Variants in NPSR1 observed in about 807,000 individuals in gnomAD.
NPSR1 encodes neuropeptide S receptor 1.
NPSR1 carries 48 observed loss-of-function variants against 46.9 expected under a neutral mutation model. That is an observed-to-expected ratio of 1.02 (90% confidence interval 0.81 to 1.30). NPSR1 has a LOEUF of 1.30. Ranked by LOEUF, NPSR1 falls within the 50% of genes most tolerant of loss-of-function variation. The probability of loss-of-function intolerance (pLI) is 0.00; values close to 1 mark genes in which losing one functional copy is unlikely to be tolerated. For missense variants in NPSR1, 450 were observed against 449.5 expected, an observed-to-expected ratio of 1.00 and a Z score of -0.01; for synonymous variants, 176 against 168.1, an observed-to-expected ratio of 1.05 and a Z score of -0.36.
chr7:34,664,163 T>C (rs1246263160), intron 1 of NPSR1, among the ~76,000 whole-genome samples: 4 of 152,238 alleles, frequency 2.6e-5, no homozygotes, highest in Admixed American at 6.5e-5. Flanking sequence ...GCTTTCTCCA[T>C]CATTTCAATG....
intron 1 of NPSR1, 64 bp from the exon 2 acceptor site, chr7:34,684,488 G>A (rs1792822137): frequency 2.6e-6 from 4 of 1,535,962 alleles, no homozygotes; most frequent in Non-Finnish European, 3.5e-6. Context: ...CCTGGGGCAG[G>A]CATTCTGTAA....
chr7:34,797,687 C>A (rs191176644), intron 3 of NPSR1, among the ~76,000 whole-genome samples: 3 of 152,010 alleles, frequency 2.0e-5, no homozygotes, highest in Non-Finnish European at 4.4e-5. Flanking sequence ...TCAGAGAACA[C>A]CAAAGCAAAA....
intron 3 of NPSR1, among the ~76,000 whole-genome samples, chr7:34,791,129 GTTATATA>G (rs1346954719): frequency 1.8e-5 from 2 of 109,196 alleles, no homozygotes; most frequent in Non-Finnish European, 3.5e-5. Context: ...TAATATATAT[GTTATATA>G]TTATATATAA....
chr7:34,733,295 C>T (rs1784514393), intron 2 of NPSR1, among the ~76,000 whole-genome samples: 1 of 151,996 alleles, frequency 6.6e-6, no homozygotes, highest in Non-Finnish European at 1.5e-5. Context: ...TGGCGGTTGC[C>T]TGTAATCCCA....
At position 34,778,459 on chromosome 7, in the gene NPSR1, T is replaced by C. The variant is rs763242602; in HGVS notation, c.281-3T>C. The C allele has an allele frequency of 8.9e-6, 14 of 1,565,384 alleles. No homozygotes were observed. The East Asian group carries it at 2.7e-4, about 30-fold the overall frequency. ...AATGTAAGCACTTGTACGTTTTTGT[T>C]AGATTCTTTCACAGGACTGGTCAAC... On this transcript the variant is annotated splice_region_variant and splice_polypyrimidine_tract_variant and intron_variant, in intron 2 of 8. Coordinates refer to ENST00000360581, the MANE Select transcript of NPSR1 (RefSeq NM_207172.2).
rs370454090 is a variant in NPSR1 at position 34,741,696 on chromosome 7, A to C, written c.281-36766A>C. 2.0e-5 allele frequency among the ~76,000 whole-genome samples: 3 copies of C among 152,256 alleles called. No homozygotes were observed. The South Asian group carries it at 6.2e-4, about 31-fold the overall frequency. ...CTGATCCTTCAGGGAGCTGCCAGAC[A>C]GTCAAAACACACAACCAAAACTCTT... On this transcript the variant is annotated intron_variant, in intron 2 of 8. Coordinates refer to ENST00000360581, the MANE Select transcript of NPSR1 (RefSeq NM_207172.2).
At chr7:34,778,369 C>A in intron 2 of NPSR1, 93 bp from the exon 3 acceptor site, 2 of 690,190 alleles carry the variant, frequency 2.9e-6, no homozygotes, top group East Asian at 3.0e-5. Flanking sequence ...ATGAACCTCC[C>A]CAGGATTTCA....
chr7:34,831,069 A>T (rs1790096654), intron 5 of NPSR1, among the ~76,000 whole-genome samples: 1 of 151,726 alleles, frequency 6.6e-6, no homozygotes, highest in East Asian at 1.9e-4. Flanking sequence ...TCACTCCCTA[A>T]CCTCCAACCT....
intron 5 of NPSR1, 23 bp downstream of exon 5, chr7:34,827,625 C>G (rs765391537): frequency 9.7e-7 from 1 of 1,029,100 alleles, no homozygotes; most frequent in South Asian, 1.3e-5. Flanking sequence ...CAGGACAGGA[C>G]CACACGGGGG....
rs141222979 is a variant in NPSR1, at chr7:34,827,303, G to C, written c.479-98G>C. ...TCTGGGAGGTTCTTTGAGGTCCAGG[G>C]TGGCTGCCCCACAGTGATCCTTTTC... On this transcript the variant is annotated intron_variant, in intron 4 of 8. Coordinates refer to ENST00000360581, the MANE Select transcript of NPSR1 (RefSeq NM_207172.2). The C allele has an allele frequency of 3.1e-4, 294 of 955,550 alleles. 1 individual carries two copies. Among genetic ancestry groups the C allele is most frequent in the Non-Finnish European group, 6.5e-6 (4 of 615,144 alleles). The allele number at this position is 955,550 out of a possible 1,614,324, so 59.2% of individuals were successfully genotyped here.
intron 8 of NPSR1, among the ~76,000 whole-genome samples, chr7:34,865,420 C>A (rs1179164877): frequency 1.3e-5 from 2 of 151,668 alleles, no homozygotes; most frequent in Non-Finnish European, 1.5e-5. Flanking sequence ...GAGGGCGAGG[C>A]TGAGCTGAGC....
intron 1 of NPSR1, among the ~76,000 whole-genome samples, chr7:34,666,829 T>A (rs960310971): frequency 2.0e-5 from 3 of 152,140 alleles, no homozygotes; most frequent in African/African-American, 4.8e-5. Context: ...ATTATCTACA[T>A]TACAAAGAGA....
chr7:34,794,114 TGTTAAA>T (rs1404605879), intron 3 of NPSR1, among the ~76,000 whole-genome samples: 1 of 152,048 alleles, frequency 6.6e-6, no homozygotes, highest in African/African-American at 2.4e-5. Context: ...ATGAGTACAA[TGTTAAA>T]GTTAAATAGA....
chr7:34,774,849 A>G (rs1301641119), intron 2 of NPSR1, among the ~76,000 whole-genome samples: 2 of 152,200 alleles, frequency 1.3e-5, no homozygotes, highest in East Asian at 3.8e-4. Context: ...AGTATATGGG[A>G]CCAAAAATAT....
intron 2 of NPSR1, among the ~76,000 whole-genome samples, chr7:34,706,839 C>G (rs1794137885): frequency 6.6e-6 from 1 of 152,044 alleles, no homozygotes. Context: ...ATGTTTCACC[C>G]ATCTACTGAA....
intron 3 of NPSR1, among the ~76,000 whole-genome samples, chr7:34,787,735 A>G (rs1238285271): frequency 6.6e-6 from 1 of 152,118 alleles, no homozygotes; most frequent in Admixed American, 6.6e-5. Flanking sequence ...GGAGAGGGAG[A>G]CAGATGGAGG....
chr7:34,827,327 T>C (rs1789902888), intron 4 of NPSR1, 74 bp from the exon 5 acceptor site: 6 of 1,320,578 alleles, frequency 4.5e-6, no homozygotes, highest in Non-Finnish European at 6.5e-6. Context: ...GTGATCCTTT[T>C]CTATAGCAGA....
At chr7:34,735,793 C>G (rs1021672834) in intron 2 of NPSR1, among the ~76,000 whole-genome samples, 21 of 151,936 alleles carry the variant, frequency 1.4e-4, no homozygotes, top group Non-Finnish European at 7.4e-5. Flanking sequence ...AACAGAAAAC[C>G]GTAAACAACT....
intron 2 of NPSR1, among the ~76,000 whole-genome samples, chr7:34,720,277 GA>G (rs35040022): frequency 1.2e-3 from 165 of 139,432 alleles, no homozygotes; most frequent in Non-Finnish European, 1.4e-3. Context: ...AAGATTCCGA[GA>G]AAAAAAAAAA....
Sources: allele counts gnomAD v4.1 joint callset (sites outside exome capture counted in the v4.1 genomes callset), GRCh38; gene constraint gnomAD v4.1.1; transcripts MANE v1.5; gene names NCBI Gene and HGNC (gene_info 2026-07-23, HGNC 2026-07-21).